The following FAM151B variants were observed in gnomAD, a reference collection of about 807,000 sequenced individuals.
FAM151B encodes family with sequence similarity 151 member B, also known as protein FAM151B.
A neutral mutation model predicts 31.2 loss-of-function variants in FAM151B; 24 were observed. That is an observed-to-expected ratio of 0.77 (90% confidence interval 0.56 to 1.08). FAM151B has a LOEUF of 1.08. Ranked by LOEUF, FAM151B falls within the 50% of genes least tolerant of loss-of-function variation. The pLI is 0.00. For synonymous variants in FAM151B, 105 were observed against 111.4 expected, an observed-to-expected ratio of 0.94 and a Z score of 0.36; for missense variants, 293 against 328.6, an observed-to-expected ratio of 0.89 and a Z score of 0.84.
chr5:80,529,492 AAG>A (rs1745125217), intron 5 of FAM151B, among the ~76,000 whole-genome samples: 2 of 152,192 alleles, frequency 1.3e-5, no homozygotes, highest in African/African-American at 4.8e-5. Context: ...GACCGCTAGC[AAG>A]ACTAATAAAG....
chr5:80,522,176 A>G (rs371202640), intron 5 of FAM151B, 38 bp downstream of exon 5: 109 of 1,574,128 alleles, frequency 6.9e-5, no homozygotes, highest in Non-Finnish European at 9.4e-5. Flanking sequence ...GTGAGTGTGT[A>G]TGAGAGACAG....
chr5:80,491,556 A>G (rs1321476667), intron 1 of FAM151B, among the ~76,000 whole-genome samples: 1 of 152,086 alleles, frequency 6.6e-6, no homozygotes, highest in Non-Finnish European at 1.5e-5. Context: ...TGTGCAATAG[A>G]TCTTGGGAAC....
intron 1 of FAM151B, chr5:80,500,448 A>G: frequency 1.0e-6 from 1 of 999,394 alleles, no homozygotes; most frequent in Non-Finnish European, 1.6e-6. Flanking sequence ...TTTACCCAAA[A>G]GATGCTTTGA....
intron 2 of FAM151B, among the ~76,000 whole-genome samples, chr5:80,509,404 G>A (rs1309474050): frequency 6.6e-6 from 1 of 152,064 alleles, no homozygotes; most frequent in African/African-American, 2.4e-5. Flanking sequence ...CTCTCGCTCC[G>A]CCTTCCACCA....
intron 5 of FAM151B, among the ~76,000 whole-genome samples, chr5:80,538,992 C>CTT (rs11309479): frequency 1.7e-4 from 20 of 117,102 alleles, no homozygotes; most frequent in African/African-American, 4.2e-4. Flanking sequence ...TTTCCTTCCT[C>CTT]TTTTTTTTTT....
Position 80,519,942 on chromosome 5 carries a change from A to G in FAM151B, c.535+32A>G, listed in dbSNP as rs776216325. On this transcript the variant is annotated intron_variant, in intron 4 of 5. Transcript: ENST00000282226. The stretch of plus-strand genomic sequence containing the variant: ...ATTCTAATAATGTATTTCTTGGTCA[A>G]ATTAAAATATCCTCCAGGTATAAAA... 9.5e-6 allele frequency: 15 copies of G among 1,571,486 alleles called. No homozygotes were observed. The East Asian group carries it at 1.1e-4, about 12-fold the overall frequency.
chr5:80,532,017 G>T (rs1355772367), intron 5 of FAM151B, among the ~76,000 whole-genome samples: 1 of 151,942 alleles, frequency 6.6e-6, no homozygotes, highest in Non-Finnish European at 1.5e-5. Flanking sequence ...ACTGGATTAA[G>T]AAAATGTGGC....
chr5:80,491,973 C>G (rs945163678), intron 1 of FAM151B, among the ~76,000 whole-genome samples: 30 of 152,260 alleles, frequency 2.0e-4, no homozygotes, highest in African/African-American at 7.2e-4. Flanking sequence ...AATTTATGTT[C>G]CAACTAATCA....
At chr5:80,492,988 G>A (rs1282092236) in intron 1 of FAM151B, among the ~76,000 whole-genome samples, 1 of 152,170 alleles carries the variant, frequency 6.6e-6, no homozygotes, top group African/African-American at 2.4e-5. Context: ...AGCTAGAAAT[G>A]ATTAAGCTTA....
intron 1 of FAM151B, chr5:80,501,425 C>A: frequency 2.4e-6 from 1 of 425,322 alleles, no homozygotes; most frequent in South Asian, 2.6e-5. Context: ...GATTATTTTT[C>A]TAAGCTGGTC....
intron 5 of FAM151B, among the ~76,000 whole-genome samples, chr5:80,536,047 C>G (rs749996960): frequency 4.6e-5 from 7 of 152,156 alleles, no homozygotes; most frequent in Non-Finnish European, 7.4e-5. Context: ...TATCATCACA[C>G]CCCAATTAAA....
At chr5:80,493,739 C>T (rs1027957923) in intron 1 of FAM151B, among the ~76,000 whole-genome samples, 10 of 152,240 alleles carry the variant, frequency 6.6e-5, no homozygotes, top group South Asian at 2.1e-4. Context: ...CTAGTCAGAC[C>T]GGTTCTCTGC....
intron 5 of FAM151B, among the ~76,000 whole-genome samples, chr5:80,534,159 T>C (rs949718790): frequency 2.0e-5 from 3 of 152,168 alleles, no homozygotes; most frequent in African/African-American, 7.2e-5. Context: ...ATGGCTTCAC[T>C]GCTGAATTCT....
chr5:80,521,625 G>A (rs1051822550), intron 4 of FAM151B, among the ~76,000 whole-genome samples: 1 of 152,022 alleles, frequency 6.6e-6, no homozygotes, highest in African/African-American at 2.4e-5. Flanking sequence ...AACAAAAATA[G>A]GAAATCCAAG....
In FAM151B at chr5:80,541,925, T is replaced by G. The variant is rs1181898323; in HGVS notation, c.*93T>G. 3 of 1,350,804 alleles carry G rather than the reference T, an allele frequency of 2.2e-6. No homozygotes were observed. The highest frequency in any genetic ancestry group is 2.5e-5 in the East Asian group (1 of 40,334). 83.7% of individuals were successfully genotyped at this position (1,350,804 alleles called of 1,614,324 possible). A position where few individuals can be genotyped will look rare whatever the true frequency, so the allele number is the denominator to read the frequency against. On this transcript the variant is annotated 3_prime_UTR_variant, in exon 6 of 6. Coordinates refer to ENST00000282226, the MANE Select transcript of FAM151B (RefSeq NM_205548.3). ...TTACCATATAAATTATGGTTATTGA[T>G]TGACGTTCCAAGTCATCTAATCAAG...
intron 5 of FAM151B, among the ~76,000 whole-genome samples, chr5:80,534,734 CAT>C (rs1561381105): frequency 1.3e-5 from 2 of 151,658 alleles, no homozygotes. Flanking sequence ...TGTTATTTAA[CAT>C]AGTACTAGAA....
intron 1 of FAM151B, among the ~76,000 whole-genome samples, chr5:80,490,929 T>C (rs955897136): frequency 6.6e-6 from 1 of 152,238 alleles, no homozygotes; most frequent in Non-Finnish European, 1.5e-5. Flanking sequence ...GTAAGTCAAT[T>C]CTGGTAGTCA....
intron 1 of FAM151B, chr5:80,499,012 G>GA: frequency 6.2e-6 from 1 of 162,036 alleles, no homozygotes; most frequent in South Asian, 1.6e-4. Context: ...GATGGCAGAT[G>GA]GAAAAAAAAA....
intron 5 of FAM151B, among the ~76,000 whole-genome samples, chr5:80,522,760 TC>T (rs1268115140): frequency 3.3e-5 from 5 of 152,150 alleles, no homozygotes; most frequent in African/African-American, 1.2e-4. Flanking sequence ...AGGCCCTGTC[TC>T]AAAAATAATA....
Sources: gnomAD v4.1 joint callset for allele counts (sites outside exome capture counted in the v4.1 genomes callset) on GRCh38, gnomAD v4.1.1 for gene constraint, MANE v1.5 for transcripts, NCBI Gene and HGNC (gene_info 2026-07-23, HGNC 2026-07-21) for gene names.